MS4A8: variants seen among roughly 807,000 people sequenced by gnomAD.
MS4A8 encodes the protein membrane-spanning 4-domains subfamily A member 8.
In MS4A8, 27 loss-of-function variants were observed where a neutral mutation model predicts 23.7. The observed-to-expected ratio is 1.14, with a 90% CI of 0.84 to 1.57. The LOEUF (loss-of-function observed/expected upper bound fraction) is 1.57. Among genes scored for constraint, MS4A8 ranks in the 40% most tolerant of loss-of-function variants. MS4A8 has a pLI of 0.00. For missense variants in MS4A8, 301 were observed against 311.4 expected (o/e 0.97, Z 0.25); for synonymous variants, 138 against 126.3 (o/e 1.09, Z -0.62).
chr11:60,714,126 T>G (rs1206597690), intron 5 of MS4A8, among the ~76,000 whole-genome samples: 13 of 144,868 alleles, frequency 9.0e-5, no homozygotes, highest in African/African-American at 2.5e-4. Flanking sequence ...GGGTTTCACC[T>G]TGTTAGCCAG....
chr11:60,710,587 C>T (rs1336822581), intron 5 of MS4A8, among the ~76,000 whole-genome samples: 1 of 152,172 alleles, frequency 6.6e-6, no homozygotes, highest in Non-Finnish European at 1.5e-5. Context: ...CTCATCTAAT[C>T]ATGGAAACAG....
intron 5 of MS4A8, 128 bp downstream of exon 5, chr11:60,708,909 A>G: frequency 1.7e-6 from 2 of 1,185,112 alleles, no homozygotes; most frequent in Non-Finnish European, 2.5e-6. Flanking sequence ...CTTTCAGCAT[A>G]GGAACAAATT....
intron 5 of MS4A8, chr11:60,712,422 G>C (rs978188087): frequency 5.3e-5 from 52 of 985,212 alleles, no homozygotes; most frequent in Non-Finnish European, 5.8e-5. Context: ...AAGAAAAGGG[G>C]CTAAGGAGAG....
chr11:60,712,736 A>G (rs2088310504), intron 5 of MS4A8, among the ~76,000 whole-genome samples: 1 of 151,892 alleles, frequency 6.6e-6, no homozygotes, highest in South Asian at 2.1e-4. Context: ...GGAGCTCACA[A>G]TGCTGAGCTC....
rs956569184 is a variant in MS4A8 at position 60,701,034 on chromosome 11, T to C, written c.174T>C (p.Asn58=). The change falls in exon 2 of 7, where the codon AAT becomes AAC. Residue 58 remains asparagine, a synonymous_variant. Transcript: ENST00000300226. ...GNPPSLVSNV[N]GQPVQKALKE... is the part of the protein sequence containing the mutation. ...CACCTAGTTTGGTGTCGAATGTGAA[T>C]GGGCAGCCTGTGCAGAAAGCTCTGA... is the stretch of plus-strand genomic sequence containing the variant. 9.9e-6 allele frequency: 16 copies of C among 1,614,138 alleles called. No homozygotes were observed. The highest frequency in any genetic ancestry group is 3.3e-5 in the South Asian group (3 of 91,080).
intron 2 of MS4A8, 156 bp from the exon 3 acceptor site, chr11:60,703,222 G>C (rs1056754116): frequency 4.9e-5 from 41 of 831,214 alleles, no homozygotes; most frequent in Non-Finnish European, 6.6e-5. Flanking sequence ...TCCAGGCGGA[G>C]GGGAGATTAC....
chr11:60,707,588 C>T (rs1264764467), intron 4 of MS4A8, among the ~76,000 whole-genome samples: 6 of 152,134 alleles, frequency 3.9e-5, no homozygotes, highest in South Asian at 2.1e-4. Flanking sequence ...AATCAGGTTA[C>T]GAAGGGTAAA....
intron 3 of MS4A8, among the ~76,000 whole-genome samples, chr11:60,704,703 T>A (rs1191438287): frequency 1.3e-5 from 2 of 152,150 alleles, no homozygotes; most frequent in Admixed American, 6.5e-5. Flanking sequence ...GGTCCATAGC[T>A]TTCATCAGAT....
At chr11:60,707,155 A>G in intron 4 of MS4A8, 108 bp downstream of exon 4, 8 of 1,013,130 alleles carry the variant, frequency 7.9e-6, no homozygotes, top group South Asian at 1.3e-5. Flanking sequence ...TGCACCTACT[A>G]TAACCAGACA....
intron 3 of MS4A8, among the ~76,000 whole-genome samples, chr11:60,705,449 AG>A (rs2088247706): frequency 6.6e-6 from 1 of 152,242 alleles, no homozygotes; most frequent in South Asian, 2.1e-4. Flanking sequence ...TTTGCTCTGC[AG>A]GGCAGTTGTG....
intron 4 of MS4A8, among the ~76,000 whole-genome samples, chr11:60,708,240 C>G (rs751071923): frequency 6.6e-6 from 1 of 152,164 alleles, no homozygotes; most frequent in South Asian, 2.1e-4. Context: ...TGTTTCCTCT[C>G]TGAAAGATCT....
rs751351627 is a variant in MS4A8, at chr11:60,700,813, C to T, written c.-1-47C>T. The T allele has an allele frequency of 1.2e-5, 19 of 1,595,472 alleles. No homozygotes were observed. In the African/African-American group the frequency reaches 2.5e-4, roughly 21 times the overall value. The stretch of plus-strand genomic sequence containing the variant: ...AGAAGCAAAAGTCCTTTTTAAAGGA[C>T]AAGTCCATATGTGAGGGAAAATTCT... On this transcript the variant is annotated intron_variant, in intron 1 of 6. Coordinates refer to ENST00000300226, the MANE Select transcript of MS4A8 (RefSeq NM_031457.2).
At chr11:60,700,267 C>T (rs2088190510) in intron 1 of MS4A8, among the ~76,000 whole-genome samples, 1 of 152,128 alleles carries the variant, frequency 6.6e-6, no homozygotes, top group African/African-American at 2.4e-5. Context: ...TATGAGAGGC[C>T]GGGTGCGGTG....
chr11:60,712,284 A>T (rs2088306703), intron 5 of MS4A8: 8 of 976,244 alleles, frequency 8.2e-6, no homozygotes, highest in Non-Finnish European at 8.5e-6. Context: ...CTCTTACCCT[A>T]TCTGATGTGA....
chr11:60,710,291 T>C (rs951486286), intron 5 of MS4A8, among the ~76,000 whole-genome samples: 1 of 152,184 alleles, frequency 6.6e-6, no homozygotes, highest in African/African-American at 2.4e-5. Flanking sequence ...GTCTAGCATG[T>C]CCAATGGTCA....
In MS4A8 at chr11:60,699,749, G is replaced by GAGAT. The variant is rs940743208; in HGVS notation, c.-26_-23dup. On this transcript the variant is annotated 5_prime_UTR_variant, in exon 1 of 7. Transcript: ENST00000300226. Reference sequence around the variant, plus strand: ...CAGCAAAGAAAAGGAATAGGATCAAGAGATACGTGGCTGCTGGCAGAGCAA... The same window carrying GAGAT: ...CAGCAAAGAAAAGGAATAGGATCAAGAGATAGATACGTGGCTGCTGGCAGAGCAA... 7.2e-5 allele frequency: 11 copies of GAGAT among 152,354 alleles called. No homozygotes were observed. Among genetic ancestry groups the GAGAT allele is most frequent in the Admixed American group, 6.5e-4 (10 of 15,286 alleles). The allele number at this position is 152,354 out of a possible 1,614,324, so 9.4% of individuals were successfully genotyped here.
At chr11:60,704,272 C>T (rs1004414686) in intron 3 of MS4A8, among the ~76,000 whole-genome samples, 2 of 151,926 alleles carry the variant, frequency 1.3e-5, no homozygotes, top group African/African-American at 4.8e-5. Flanking sequence ...AGACGCGCAC[C>T]ACCACGCCCG....
chr11:60,703,759 T>C (rs143191141), intron 3 of MS4A8, among the ~76,000 whole-genome samples: 25 of 152,322 alleles, frequency 1.6e-4, no homozygotes, highest in African/African-American at 6.0e-4. Flanking sequence ...GCTGAAAGTC[T>C]GCGATGGAGA....
intron 3 of MS4A8, among the ~76,000 whole-genome samples, chr11:60,706,302 C>A (rs1271860897): frequency 6.6e-6 from 1 of 152,208 alleles, no homozygotes; most frequent in Non-Finnish European, 1.5e-5. Flanking sequence ...GCAATCCCAT[C>A]AGCCACAGTG....
Sources: allele counts gnomAD v4.1 joint callset (sites outside exome capture counted in the v4.1 genomes callset), GRCh38; gene constraint gnomAD v4.1.1; transcripts MANE v1.5; gene names NCBI Gene and HGNC (gene_info 2026-07-23, HGNC 2026-07-21).